The following FSTL4 variants were observed in gnomAD, a reference collection of about 807,000 sequenced individuals.
FSTL4 encodes the protein follistatin-related protein 4.
Under a neutral mutation model 78.2 loss-of-function variants are expected in FSTL4, and 28 were observed. That is an observed-to-expected ratio of 0.36 (90% CI 0.27 to 0.49). FSTL4 has a LOEUF of 0.49. FSTL4 is among the 20% of genes least tolerant of loss of function. The pLI is 0.98. For synonymous variants in FSTL4, 422 were observed against 440.5 expected, an observed-to-expected ratio of 0.96 and a Z score of 0.53; for missense variants, 922 against 1,084.9, an observed-to-expected ratio of 0.85 and a Z score of 2.11.
the FSTL4 span, among the ~76,000 whole-genome samples, chr5:133,840,752 AC>A: frequency 6.6e-6 from 1 of 152,242 alleles, no homozygotes; most frequent in Non-Finnish European, 1.5e-5. Flanking sequence ...GGAGGCAAGC[AC>A]CCGTACTCCA....
intron 4 of FSTL4, among the ~76,000 whole-genome samples, chr5:133,400,530 C>G (rs892944134): frequency 6.6e-6 from 1 of 152,232 alleles, no homozygotes; most frequent in Non-Finnish European, 1.5e-5. Flanking sequence ...CCCCAAGGAG[C>G]TTCCTCTAAG....
chr5:133,722,500 C>G, the FSTL4 span, among the ~76,000 whole-genome samples: 1 of 152,092 alleles, frequency 6.6e-6, no homozygotes, highest in African/African-American at 2.4e-5. Context: ...GAATTGTTTT[C>G]CTGATTTCAT....
chr5:133,625,328 T>C, the FSTL4 span, among the ~76,000 whole-genome samples: 1 of 151,776 alleles, frequency 6.6e-6, no homozygotes, highest in Non-Finnish European at 1.5e-5. Context: ...TACTTTAATA[T>C]TGGAGGAGTT....
At chr5:133,821,779 T>C in the FSTL4 span, among the ~76,000 whole-genome samples, 1 of 152,034 alleles carries the variant, frequency 6.6e-6, no homozygotes, top group East Asian at 1.9e-4. Context: ...TTGAGCAGGA[T>C]AATTATGACC....
At chr5:133,271,193 T>C (rs968937710) in intron 6 of FSTL4, among the ~76,000 whole-genome samples, 1 of 152,210 alleles carries the variant, frequency 6.6e-6, no homozygotes, top group African/African-American at 2.4e-5. Context: ...ATGAATCTAG[T>C]GCCCCTGGTA....
intron 3 of FSTL4, among the ~76,000 whole-genome samples, chr5:133,447,833 C>A (rs920340773): frequency 1.3e-5 from 2 of 152,324 alleles, no homozygotes; most frequent in Non-Finnish European, 2.9e-5. Context: ...AACCACTGCA[C>A]CCAGCCTAGG....
At chr5:133,572,139 A>G (rs1282643714) in intron 2 of FSTL4, among the ~76,000 whole-genome samples, 1 of 152,240 alleles carries the variant, frequency 6.6e-6, no homozygotes, top group East Asian at 1.9e-4. Context: ...GAAAATCTTT[A>G]AAACAGCCAA....
chr5:133,442,472 A>C (rs1163079012), intron 3 of FSTL4, among the ~76,000 whole-genome samples: 6 of 152,110 alleles, frequency 3.9e-5, no homozygotes, highest in African/African-American at 1.4e-4. Flanking sequence ...TTGAGATGTG[A>C]TGTTGATGCT....
At chr5:133,512,220 C>G (rs560078944) in intron 3 of FSTL4, among the ~76,000 whole-genome samples, 8 of 152,240 alleles carry the variant, frequency 5.3e-5, no homozygotes, top group Admixed American at 1.3e-4. Context: ...CCGTGCTTCT[C>G]ACCTGTGTCC....
At chr5:133,708,198 G>A in the FSTL4 span, among the ~76,000 whole-genome samples, 1 of 150,520 alleles carries the variant, frequency 6.6e-6, no homozygotes, top group Non-Finnish European at 1.5e-5. Flanking sequence ...GGGAGGGAAG[G>A]GGAGGGAAGA....
At chr5:133,238,795 T>C (rs1423355731) in intron 7 of FSTL4, among the ~76,000 whole-genome samples, 1 of 152,200 alleles carries the variant, frequency 6.6e-6, no homozygotes, top group Non-Finnish European at 1.5e-5. Flanking sequence ...TTCACTTCAT[T>C]CTAGTCCCTC....
chr5:133,445,362 C>G (rs1042490084), intron 3 of FSTL4, among the ~76,000 whole-genome samples: 5 of 151,880 alleles, frequency 3.3e-5, no homozygotes, highest in Admixed American at 1.3e-4. Flanking sequence ...CAGATCACTG[C>G]TGCGGGGCAG....
chr5:133,481,401 G>T (rs1758024280), intron 3 of FSTL4, among the ~76,000 whole-genome samples: 1 of 151,946 alleles, frequency 6.6e-6, no homozygotes. Flanking sequence ...AATTAGGTGG[G>T]CATGGTGGCA....
chr5:133,688,969 C>T, the FSTL4 span, among the ~76,000 whole-genome samples: 1 of 152,176 alleles, frequency 6.6e-6, no homozygotes, highest in South Asian at 2.1e-4. Flanking sequence ...GGGTGGCAGC[C>T]GCTCACTCAG....
At chr5:133,793,328 C>T in the FSTL4 span, among the ~76,000 whole-genome samples, 1 of 152,272 alleles carries the variant, frequency 6.6e-6, no homozygotes, top group Non-Finnish European at 1.5e-5. Flanking sequence ...ATGGGCACAT[C>T]CCCTCTGCCT....
intron 4 of FSTL4, among the ~76,000 whole-genome samples, chr5:133,367,337 T>C (rs1021240985): frequency 5.3e-5 from 8 of 152,216 alleles, no homozygotes; most frequent in African/African-American, 1.9e-4. Flanking sequence ...TGTGTGAGGT[T>C]GGATGTGTTG....
At chr5:133,823,724 T>G in the FSTL4 span, among the ~76,000 whole-genome samples, 1 of 152,112 alleles carries the variant, frequency 6.6e-6, no homozygotes, top group South Asian at 2.1e-4. Flanking sequence ...GTCCCTCTGT[T>G]GTAAAATGAG....
At position 133,197,391 on chromosome 5, in the gene FSTL4, ATCTTT is replaced by A. The variant is rs1750175665; in HGVS notation, c.*1699_*1703del. ...TCCTCAACTTATATCTACATAGCAT[ATCTTT>A]TAAAATAAAAAACAGACGTACCTGT... On this transcript the variant is annotated 3_prime_UTR_variant, in exon 16 of 16. Coordinates refer to ENST00000265342, the MANE Select transcript of FSTL4 (RefSeq NM_015082.2). 1.3e-5 allele frequency: 2 copies of A among 152,094 alleles called. No homozygotes were observed. Among genetic ancestry groups the A allele is most frequent in the African/African-American group, 2.4e-5 (1 of 41,346 alleles). The allele number at this position is 152,094 out of a possible 1,614,324, so 9.4% of individuals were successfully genotyped here.
the FSTL4 span, among the ~76,000 whole-genome samples, chr5:133,732,793 G>A: frequency 1.3e-5 from 2 of 152,184 alleles, no homozygotes; most frequent in East Asian, 3.9e-4. Flanking sequence ...GGGGTCCCCG[G>A]GCTCTCCATC....
Sources: allele counts gnomAD v4.1 joint callset (sites outside exome capture counted in the v4.1 genomes callset), GRCh38; gene constraint gnomAD v4.1.1; transcripts MANE v1.5; gene names NCBI Gene and HGNC (gene_info 2026-07-23, HGNC 2026-07-21).